The following WASL variants were observed in gnomAD, a reference collection of about 807,000 sequenced individuals.
WASL encodes WASP like actin nucleation promoting factor.
In WASL, 20 loss-of-function variants were observed where a neutral mutation model predicts 55.5. That is an observed-to-expected ratio of 0.36 (90% confidence interval 0.25 to 0.52). The LOEUF is 0.52. Among genes scored for constraint, WASL ranks in the 20% least tolerant of loss-of-function variants. The probability of loss-of-function intolerance (pLI) is 0.92; values close to 1 mark genes in which losing one functional copy is unlikely to be tolerated. For synonymous variants in WASL, 249 were observed against 217.6 expected, an observed-to-expected ratio of 1.14 and a Z score of -1.27; for missense variants, 504 against 622.5, an observed-to-expected ratio of 0.81 and a Z score of 2.03.
chr7:123,712,500 T>C (rs1338311383), intron 1 of WASL, among the ~76,000 whole-genome samples: 2 of 152,030 alleles, frequency 1.3e-5, no homozygotes, highest in Non-Finnish European at 2.9e-5. Context: ...CAGAAAAAAA[T>C]AACATGCATG....
At chr7:123,718,402 C>T (rs985566887) in intron 1 of WASL, among the ~76,000 whole-genome samples, 1 of 151,992 alleles carries the variant, frequency 6.6e-6, no homozygotes, top group Non-Finnish European at 1.5e-5. Flanking sequence ...CCACACTTAA[C>T]GAAACAACTT....
Position 123,746,652 on chromosome 7 carries a change from G to A in WASL, c.117+1966C>T, listed in dbSNP as rs3779257. On this transcript the variant is annotated intron_variant, in intron 1 of 10. Coordinates refer to ENST00000223023, the MANE Select transcript of WASL (RefSeq NM_003941.4). ...TTAAATGACAAATTCAAAAGGTACAGTTGATTAATAAAAGATGGCATAAAG... is the reference window on the plus strand; with the variant it reads ...TTAAATGACAAATTCAAAAGGTACAATTGATTAATAAAAGATGGCATAAAG... Among the ~76,000 whole-genome samples the A allele has an allele frequency of 1.1e-4, 16 of 152,352 alleles. No individual in the cohort carries two copies. The East Asian group carries it at 3.1e-3, about 29-fold the overall frequency.
chr7:123,699,350 C>G (rs1241817946), intron 5 of WASL, among the ~76,000 whole-genome samples: 1 of 152,030 alleles, frequency 6.6e-6, no homozygotes, highest in African/African-American at 2.4e-5. Context: ...TGACTCCAGC[C>G]CGGGCGACAG....
rs545798958 is a variant in WASL at position 123,748,600 on chromosome 7, C to A, written c.117+18G>T. ...TGAGGTAATGTCACGGGTGGCGACG[C>A]GGGTCTCGTCCACTGACCACACATT... On this transcript the variant is annotated intron_variant, in intron 1 of 10. Transcript: ENST00000223023. 3.8e-5 allele frequency: 62 copies of A among 1,611,782 alleles called. 1 individual carries two copies. In the African/African-American group the frequency reaches 6.1e-4, roughly 16 times the overall value.
At chr7:123,696,991 A>G (rs1229396522) in intron 5 of WASL, among the ~76,000 whole-genome samples, 1 of 152,114 alleles carries the variant, frequency 6.6e-6, no homozygotes, top group Admixed American at 6.5e-5. Context: ...TAAATTTCAT[A>G]AAGAATATGA....
chr7:123,748,848 C>T lies in WASL; in HGVS notation c.-114G>A. On this transcript the variant is annotated 5_prime_UTR_variant, in exon 1 of 11. Coordinates refer to ENST00000223023, the MANE Select transcript of WASL (RefSeq NM_003941.4). ...AGAAGTGGAGTCAGAGGCGCCACAT[C>T]TCGCAGCTCCTCCGGAGCGGGGAGG... The T allele has an allele frequency of 1.2e-6, 1 of 821,032 alleles. No individual in the cohort carries two copies. Among genetic ancestry groups the T allele is most frequent in the Non-Finnish European group, 1.8e-6 (1 of 547,618 alleles). 50.9% of individuals were successfully genotyped at this position (821,032 alleles called of 1,614,324 possible). A position where few individuals can be genotyped will look rare whatever the true frequency, so the allele number is the denominator to read the frequency against.
At chr7:123,739,785 C>T (rs1382510987) in intron 1 of WASL, among the ~76,000 whole-genome samples, 2 of 151,992 alleles carry the variant, frequency 1.3e-5, no homozygotes, top group African/African-American at 4.8e-5. Flanking sequence ...GACATCAATT[C>T]TCTAGGCTAT....
At chr7:123,728,591 C>T (rs1804089025) in intron 1 of WASL, among the ~76,000 whole-genome samples, 1 of 152,096 alleles carries the variant, frequency 6.6e-6, no homozygotes, top group African/African-American at 2.4e-5. Context: ...CCTGTGATCC[C>T]AGCACTTTGG....
chr7:123,747,982 G>A (rs10255400), intron 1 of WASL, among the ~76,000 whole-genome samples: 102,271 of 149,288 alleles, frequency 0.69, 35,344 homozygotes, highest in South Asian at 0.81. Context: ...CCAATGGGGG[G>A]AAAAAAAAAA....
intron 1 of WASL, among the ~76,000 whole-genome samples, chr7:123,713,700 CTGA>C (rs1803795988): frequency 6.6e-6 from 1 of 152,128 alleles, no homozygotes. Context: ...CCTAGATGCT[CTGA>C]TGATATATTT....
intron 1 of WASL, among the ~76,000 whole-genome samples, chr7:123,722,131 T>C (rs1287296263): frequency 1.3e-5 from 2 of 152,148 alleles, no homozygotes; most frequent in African/African-American, 4.8e-5. Context: ...ATGTTAAAAA[T>C]GTTGTCTCTC....
At position 123,710,980 on chromosome 7, in the gene WASL, G is replaced by C. The variant is rs1028534925; in HGVS notation, c.118-1757C>G. Among the ~76,000 whole-genome samples, 3 of 152,120 alleles carry C rather than the reference G, an allele frequency of 2.0e-5. No individual in the cohort carries two copies. In the South Asian group the frequency reaches 6.2e-4, roughly 32 times the overall value. Reference sequence around the variant, plus strand: ...CAAACAAGCAATTTGTTAGTTCTAAGGAGAATTCGCATAAAGTCTTTTTTA... The same window carrying C: ...CAAACAAGCAATTTGTTAGTTCTAACGAGAATTCGCATAAAGTCTTTTTTA... On this transcript the variant is annotated intron_variant, in intron 1 of 10. Coordinates refer to ENST00000223023, the MANE Select transcript of WASL (RefSeq NM_003941.4).
At chr7:123,723,869 T>A (rs1306679761) in intron 1 of WASL, among the ~76,000 whole-genome samples, 1 of 152,240 alleles carries the variant, frequency 6.6e-6, no homozygotes, top group Non-Finnish European at 1.5e-5. Context: ...CCAGAATTAG[T>A]TCATTTTATT....
intron 1 of WASL, among the ~76,000 whole-genome samples, chr7:123,731,545 C>G (rs1465697856): frequency 6.6e-6 from 1 of 151,942 alleles, no homozygotes; most frequent in Non-Finnish European, 1.5e-5. Context: ...CAAGAGAGAC[C>G]ACATTTTGGG....
rs146520627 is a variant in WASL at position 123,694,532 on chromosome 7, TA to T, written c.826+182del. ...TGAATAAAGAATAAACAAAACCTTG[TA>T]AAGTTTTTTTAGTTATAATGAAATA... On this transcript the variant is annotated intron_variant, in intron 8 of 10. Transcript: ENST00000223023. Among the ~76,000 whole-genome samples the T allele has an allele frequency of 2.0e-3, 304 of 152,292 alleles. 1 individual carries two copies. Among genetic ancestry groups the T allele is most frequent in the Non-Finnish European group, 3.6e-3 (245 of 67,998 alleles).
At chr7:123,714,358 GA>G (rs1467978423) in intron 1 of WASL, among the ~76,000 whole-genome samples, 3 of 151,956 alleles carry the variant, frequency 2.0e-5, no homozygotes, top group Non-Finnish European at 2.9e-5. Flanking sequence ...AAAGAAAAGA[GA>G]AAACAAACAA....
chr7:123,687,616 C>T (rs1435941251), intron 10 of WASL, among the ~76,000 whole-genome samples: 1 of 152,130 alleles, frequency 6.6e-6, no homozygotes. Context: ...CAACAGTCTG[C>T]CCCCTATTTC....
chr7:123,692,094 A>G (rs114325545), intron 9 of WASL, among the ~76,000 whole-genome samples: 2,482 of 152,246 alleles, frequency 0.016, 80 homozygotes, highest in African/African-American at 0.057. Flanking sequence ...GTATGAGAAA[A>G]CCTTCTGGGG....
At chr7:123,702,692 T>C (rs1427824731) in intron 5 of WASL, among the ~76,000 whole-genome samples, 1 of 152,232 alleles carries the variant, frequency 6.6e-6, no homozygotes, top group Non-Finnish European at 1.5e-5. Flanking sequence ...AGACCAAATG[T>C]ACCTAGCATT....
Sources: allele counts gnomAD v4.1 joint callset (sites outside exome capture counted in the v4.1 genomes callset), GRCh38; gene constraint gnomAD v4.1.1; transcripts MANE v1.5; gene names NCBI Gene and HGNC (gene_info 2026-07-23, HGNC 2026-07-21).